HDAC4: variants seen among roughly 807,000 people sequenced by gnomAD.
HDAC4 encodes histone deacetylase A.
In HDAC4, 16 loss-of-function variants were observed where a neutral mutation model predicts 135.1. The ratio of observed to expected loss-of-function variants is 0.12; its 90% CI spans 0.08 to 0.18. The LOEUF (loss-of-function observed/expected upper bound fraction) is 0.18, where lower values mean the gene tolerates loss of function less well. Ranked by LOEUF, HDAC4 falls within the 10% of genes least tolerant of loss-of-function variation. The pLI is 1.00. For missense variants in HDAC4, 1,143 were observed against 1,511.8 expected (o/e 0.76, Z 4.05); for synonymous variants, 685 against 653.4 (o/e 1.05, Z -0.74).
chr2:239,227,222 C>T (rs1045035922), intron 3 of HDAC4, among the ~76,000 whole-genome samples: 3 of 152,116 alleles, frequency 2.0e-5, no homozygotes, highest in South Asian at 4.1e-4. Context: ...CCCCAACCAC[C>T]GCTTACCCCA....
intron 18 of HDAC4, 86 bp downstream of exon 18, chr2:239,089,923 G>A: frequency 1.0e-6 from 1 of 964,544 alleles, no homozygotes; most frequent in Non-Finnish European, 1.7e-6. Context: ...CCTGATGAGA[G>A]GGAGACGGAG....
At chr2:239,298,379 C>A in intron 2 of HDAC4, 1 of 1,182,868 alleles carries the variant, frequency 8.5e-7, no homozygotes, top group Non-Finnish European at 1.1e-6. Flanking sequence ...GATCCGGAAT[C>A]GCCAGAGCTC....
At chr2:239,275,593 C>G (rs2050310667) in intron 2 of HDAC4, among the ~76,000 whole-genome samples, 1 of 152,154 alleles carries the variant, frequency 6.6e-6, no homozygotes, top group Non-Finnish European at 1.5e-5. Context: ...CATGGAAGAA[C>G]AGCAGCCACC....
At chr2:239,301,243 G>A (rs922295097) in intron 2 of HDAC4, among the ~76,000 whole-genome samples, 6 of 152,126 alleles carry the variant, frequency 3.9e-5, no homozygotes, top group Non-Finnish European at 5.9e-5. Flanking sequence ...TTCTAAAGTC[G>A]GTCTCCCATC....
chr2:239,163,942 T>C lies in HDAC4; in HGVS notation c.491-19A>G, dbSNP rs757012209. 3.1e-6 allele frequency: 5 copies of C among 1,613,724 alleles called. No homozygotes were observed. The highest frequency in any genetic ancestry group is 1.3e-5 in the African/African-American group (1 of 74,896). On this transcript the variant is annotated intron_variant, in intron 5 of 26. Coordinates refer to ENST00000543185, the MANE Select transcript of HDAC4 (RefSeq NM_001378414.1). ...ACGGCACCTGGCGTGGGAGAAAGCA[T>C]AGCAGGGGGTGAAGTGTGGCTCTGC...
In HDAC4 at chr2:239,210,164, C is replaced by T. The variant is rs373917774; in HGVS notation, c.95-20087G>A. ...AATGGTACAAGGATATTCATTATAGCAGCATTAACTACAAACCGCCCAAAT... is the reference window on the plus strand; with the variant it reads ...AATGGTACAAGGATATTCATTATAGTAGCATTAACTACAAACCGCCCAAAT... On this transcript the variant is annotated intron_variant, in intron 3 of 26. Coordinates refer to ENST00000543185, the MANE Select transcript of HDAC4 (RefSeq NM_001378414.1). 5.3e-5 allele frequency among the ~76,000 whole-genome samples: 8 copies of T among 152,166 alleles called. No homozygotes were observed. The South Asian group carries it at 1.7e-3, about 31-fold the overall frequency.
chr2:239,196,333 A>G (rs551548683), intron 3 of HDAC4, among the ~76,000 whole-genome samples: 5 of 152,352 alleles, frequency 3.3e-5, no homozygotes, highest in African/African-American at 1.2e-4. Context: ...CTCCGCTTCA[A>G]TGAGGCCCAA....
chr2:239,155,990 A>C, intron 7 of HDAC4, among the ~76,000 whole-genome samples: 1 of 152,120 alleles, frequency 6.6e-6, no homozygotes, highest in East Asian at 1.9e-4. Context: ...TCATTATCTA[A>C]AGCCACTGCC....
chr2:239,138,833 AAAGGAGCTC>A (rs2041150675), intron 9 of HDAC4, among the ~76,000 whole-genome samples: 1 of 152,196 alleles, frequency 6.6e-6, no homozygotes, highest in Non-Finnish European at 1.5e-5. Flanking sequence ...CAGGGGGCGC[AAAGGAGCTC>A]AAGGAACACG....
intron 2 of HDAC4, among the ~76,000 whole-genome samples, chr2:239,283,462 C>T (rs992813887): frequency 1.3e-5 from 2 of 152,124 alleles, no homozygotes; most frequent in Non-Finnish European, 2.9e-5. Flanking sequence ...CAGCGAGTGT[C>T]GGGCTGGCCA....
In HDAC4 at chr2:239,303,605, T is replaced by C. The variant is rs907920001; in HGVS notation, c.22+49073A>G. ...TCTGTTTTCTTTCTTTCTTTTTTTT[T>C]TTTAATTCACAATTGAGGAAACCAA... is the stretch of plus-strand genomic sequence containing the variant. On this transcript the variant is annotated intron_variant, in intron 2 of 26. Coordinates refer to ENST00000543185, the MANE Select transcript of HDAC4 (RefSeq NM_001378414.1). This position sits in a 1 kb window ranked among gnomAD's most constrained non-coding sequence, Gnocchi z 5.1. Among the ~76,000 whole-genome samples, 2 of 152,140 alleles carry C rather than the reference T, an allele frequency of 1.3e-5. No individual in the cohort carries two copies. The highest frequency in any genetic ancestry group is 4.8e-5 in the African/African-American group (2 of 41,440).
At chr2:239,151,622 G>A (rs1318153538) in intron 7 of HDAC4, among the ~76,000 whole-genome samples, 1 of 152,170 alleles carries the variant, frequency 6.6e-6, no homozygotes, top group African/African-American at 2.4e-5. Flanking sequence ...ATCCATACAG[G>A]GGCCAACAGA....
chr2:239,168,179 C>T (rs1471171344), intron 5 of HDAC4, among the ~76,000 whole-genome samples: 11 of 152,202 alleles, frequency 7.2e-5, no homozygotes, highest in African/African-American at 1.4e-4. Flanking sequence ...CAGCCTTTCA[C>T]GTCATTTTTA....
chr2:239,088,524 T>C (rs1176514898), intron 18 of HDAC4, among the ~76,000 whole-genome samples: 1 of 152,242 alleles, frequency 6.6e-6, no homozygotes, highest in Non-Finnish European at 1.5e-5. Flanking sequence ...GTAGTCCACG[T>C]AGTCCTGAGG....
chr2:239,384,585 C>T (rs1695655707), intron 1 of HDAC4, among the ~76,000 whole-genome samples: 1 of 152,060 alleles, frequency 6.6e-6, no homozygotes, highest in East Asian at 1.9e-4. Context: ...CCACTGCACT[C>T]CGGCCTGCAC....
chr2:239,228,939 C>A (rs896814541), intron 3 of HDAC4, among the ~76,000 whole-genome samples: 2 of 152,064 alleles, frequency 1.3e-5, no homozygotes, highest in Admixed American at 1.3e-4. Context: ...GTCAGGAGTT[C>A]GAGACCAGCC....
chr2:239,111,734 G>A (rs2038689426), intron 13 of HDAC4, 22 bp from the exon 14 acceptor site: 5 of 1,573,408 alleles, frequency 3.2e-6, no homozygotes, highest in African/African-American at 2.7e-5. Context: ...AAACGGCCGT[G>A]TTGGCGGTTG....
chr2:239,267,621 C>T (rs1015206435), intron 2 of HDAC4, among the ~76,000 whole-genome samples: 4 of 152,278 alleles, frequency 2.6e-5, no homozygotes, highest in African/African-American at 4.8e-5. Flanking sequence ...CACCAGGAGG[C>T]GGAGCCCTGA....
At chr2:239,059,852 G>T (rs1457087658) in intron 24 of HDAC4, among the ~76,000 whole-genome samples, 2 of 151,694 alleles carry the variant, frequency 1.3e-5, no homozygotes, top group African/African-American at 2.4e-5. Context: ...ACAGTCCTCT[G>T]GGGGGCCTTG....
Sources: allele counts gnomAD v4.1 joint callset (sites outside exome capture counted in the v4.1 genomes callset), GRCh38; gene constraint gnomAD v4.1.1; non-coding constraint Gnocchi (gnomAD v3.1); transcripts MANE v1.5; gene names NCBI Gene and HGNC (gene_info 2026-07-23, HGNC 2026-07-21).